NALCN: variants seen among roughly 807,000 people sequenced by gnomAD.
NALCN encodes sodium leak channel NALCN.
NALCN carries 111 observed loss-of-function variants against 225.3 expected under a neutral mutation model. The ratio of observed to expected loss-of-function variants is 0.49; its 90% CI spans 0.42 to 0.58. The LOEUF (loss-of-function observed/expected upper bound fraction) is 0.58. Ranked by LOEUF, NALCN falls within the 20% of genes least tolerant of loss-of-function variation. The pLI is 0.00. For synonymous variants in NALCN, 764 were observed against 769.0 expected (o/e 0.99, Z 0.11); for missense variants, 1,378 against 2,202.4 (o/e 0.63, Z 7.49).
intron 7 of NALCN, among the ~76,000 whole-genome samples, chr13:101,340,563 T>C (rs2045526753): frequency 6.6e-6 from 1 of 152,178 alleles, no homozygotes; most frequent in South Asian, 2.1e-4. Context: ...TTACATTAAC[T>C]GTATAAGGTA....
chr13:101,374,669 T>C (rs943840994), intron 6 of NALCN, among the ~76,000 whole-genome samples: 2 of 152,292 alleles, frequency 1.3e-5, no homozygotes, highest in Non-Finnish European at 2.9e-5. Context: ...ACTAATAGAT[T>C]ATGCTTTACT....
At chr13:101,178,516 T>A (rs1447807511) in intron 14 of NALCN, among the ~76,000 whole-genome samples, 1 of 152,180 alleles carries the variant, frequency 6.6e-6, no homozygotes, top group Non-Finnish European at 1.5e-5. Context: ...TAAAAGAATG[T>A]TTTCCTTGAG....
rs138918871 is a variant in NALCN, at chr13:101,259,116, C to T, written c.1135-542G>A. ...ACATGTACATCATACTTGCTCTCTA[C>T]CTGGAGTTTTTCTAGGTGCTTTACA... On this transcript the variant is annotated intron_variant, in intron 10 of 43. Coordinates refer to ENST00000251127, the MANE Select transcript of NALCN (RefSeq NM_052867.4). Among the ~76,000 whole-genome samples, 781 of 152,104 alleles carry T rather than the reference C, an allele frequency of 5.1e-3. 21 individuals are homozygous for T. The highest frequency in any genetic ancestry group is 0.046 in the Admixed American group (709 of 15,264).
intron 15 of NALCN, among the ~76,000 whole-genome samples, chr13:101,168,683 CA>C (rs1384075792): frequency 2.0e-5 from 3 of 152,200 alleles, no homozygotes; most frequent in African/African-American, 7.2e-5. Flanking sequence ...CAGTGCATTT[CA>C]CACTGACACC....
At chr13:101,261,877 C>G (rs1442645493) in intron 10 of NALCN, among the ~76,000 whole-genome samples, 1 of 152,156 alleles carries the variant, frequency 6.6e-6, no homozygotes, top group East Asian at 1.9e-4. Context: ...ACTTCCAGTA[C>G]TATGTTGAAT....
Position 101,377,051 on chromosome 13 carries a change from A to G in NALCN, c.381T>C (p.Phe127=). 6.2e-7 allele frequency: 1 copy of G among 1,614,146 alleles called. No individual in the cohort carries two copies. The highest frequency in any genetic ancestry group is 8.5e-7 in the Non-Finnish European group (1 of 1,180,002). ...CLWVSLVLQV[F]EIADIVDQMS... ...TCTGATCAACTATATCAGCAATTTCAAACACCTACAAATTAAAAGATGGGT... is the reference window on the plus strand; with the variant it reads ...TCTGATCAACTATATCAGCAATTTCGAACACCTACAAATTAAAAGATGGGT... The change falls in exon 5 of 44, where the codon TTT becomes TTC. Residue 127 remains phenylalanine (F), a synonymous_variant. Transcript: ENST00000251127.
intron 39 of NALCN, among the ~76,000 whole-genome samples, chr13:101,066,829 C>T (rs546907980): frequency 6.6e-6 from 1 of 152,168 alleles, no homozygotes; most frequent in East Asian, 2.0e-4. Flanking sequence ...TTGTGCCCTT[C>T]ATCAACTCTT....
chr13:101,371,462 G>C (rs1229676844), intron 6 of NALCN, among the ~76,000 whole-genome samples: 1 of 152,100 alleles, frequency 6.6e-6, no homozygotes, highest in Non-Finnish European at 1.5e-5. Context: ...GAGATTACAG[G>C]TGTGTGCCAC....
chr13:101,279,803 C>A (rs1481955058), intron 10 of NALCN, among the ~76,000 whole-genome samples: 1 of 143,172 alleles, frequency 7.0e-6, no homozygotes, highest in Non-Finnish European at 1.5e-5. Context: ...GGCGACAGAG[C>A]GAGACTCCGT....
intron 17 of NALCN, among the ~76,000 whole-genome samples, chr13:101,131,528 C>A (rs1289792405): frequency 6.6e-6 from 1 of 152,146 alleles, no homozygotes; most frequent in Non-Finnish European, 1.5e-5. Flanking sequence ...CCTCCCCCCA[C>A]AAATTTTGTC....
intron 13 of NALCN, among the ~76,000 whole-genome samples, chr13:101,228,704 CA>C (rs2041238959): frequency 6.6e-6 from 1 of 152,210 alleles, no homozygotes; most frequent in South Asian, 2.1e-4. Flanking sequence ...ATGTCTTTAT[CA>C]TCAGTGTAAG....
At chr13:101,253,574 G>T (rs949445933) in intron 11 of NALCN, among the ~76,000 whole-genome samples, 4 of 151,816 alleles carry the variant, frequency 2.6e-5, no homozygotes, top group African/African-American at 9.7e-5. Context: ...AACATAATGG[G>T]CCCCCCAAAA....
chr13:101,063,726 C>G (rs1046876137), intron 40 of NALCN, among the ~76,000 whole-genome samples: 7 of 146,382 alleles, frequency 4.8e-5, no homozygotes, highest in Admixed American at 1.4e-4. Flanking sequence ...TGATCTGATC[C>G]TTTTTTTTTT....
intron 11 of NALCN, among the ~76,000 whole-genome samples, chr13:101,258,007 A>G (rs1305291709): frequency 2.0e-5 from 3 of 152,254 alleles, no homozygotes; most frequent in African/African-American, 7.2e-5. Flanking sequence ...TTTCTAGAGG[A>G]GTAATTTATC....
At chr13:101,105,913 C>T (rs1361745311) in intron 22 of NALCN, among the ~76,000 whole-genome samples, 5 of 152,198 alleles carry the variant, frequency 3.3e-5, no homozygotes, top group African/African-American at 4.8e-5. Context: ...CCTGAGGTCT[C>T]TTCCATCCCT....
chr13:101,344,814 A>C (rs79111361), intron 7 of NALCN, among the ~76,000 whole-genome samples: 3,067 of 152,282 alleles, frequency 0.02, 108 homozygotes, highest in African/African-American at 0.07. Flanking sequence ...CATTAATTGT[A>C]TTCTAATCAA....
intron 15 of NALCN, among the ~76,000 whole-genome samples, chr13:101,147,358 T>C (rs1056076067): frequency 2.1e-5 from 3 of 141,488 alleles, no homozygotes; most frequent in East Asian, 4.0e-4. Flanking sequence ...CTCTCTCTTT[T>C]TTTTTTTTTT....
At chr13:101,282,207 C>G (rs1482579900) in intron 10 of NALCN, among the ~76,000 whole-genome samples, 2 of 152,048 alleles carry the variant, frequency 1.3e-5, no homozygotes, top group South Asian at 4.1e-4. Flanking sequence ...TCTGCAGCCC[C>G]GTGTTTACTG....
intron 33 of NALCN, 118 bp from the exon 34 acceptor site, chr13:101,081,764 A>G: frequency 7.9e-7 from 1 of 1,266,896 alleles, no homozygotes; most frequent in Non-Finnish European, 1.1e-6. Context: ...ATTTTAAATT[A>G]TTTGATGTGG....
Sources: gnomAD v4.1 joint callset for allele counts (sites outside exome capture counted in the v4.1 genomes callset) on GRCh38, gnomAD v4.1.1 for gene constraint, MANE v1.5 for transcripts, NCBI Gene and HGNC (gene_info 2026-07-23, HGNC 2026-07-21) for gene names.